The following KNL1 variants were observed in gnomAD, a reference collection of about 807,000 sequenced individuals.
The protein encoded by KNL1 is kinetochore scaffold 1, also known as outer kinetochore KNL1 complex subunit KNL1.
Under a neutral mutation model 201.3 loss-of-function variants are expected in KNL1, and 66 were observed. That is an observed-to-expected ratio of 0.33 (90% confidence interval 0.27 to 0.40). The LOEUF (loss-of-function observed/expected upper bound fraction) is 0.40, where lower values mean the gene tolerates loss of function less well. Among genes scored for constraint, KNL1 ranks in the 10% least tolerant of loss-of-function variants. KNL1 has a pLI of 1.00. For missense variants in KNL1, 2,815 were observed against 2,690.5 expected, an observed-to-expected ratio of 1.05 and a Z score of -1.02; for synonymous variants, 895 against 899.2, an observed-to-expected ratio of 1.00 and a Z score of 0.08.
Position 40,650,587 on chromosome 15 carries a change from A to T in KNL1, c.6212+4A>T. On this transcript the variant is annotated splice_donor_region_variant and intron_variant, in intron 19 of 25. Transcript: ENST00000399668. ...CTGAAGAAGAGGAGCTTCAAAGGTC[A>T]GCCTTCAATCCAAGTGTTAGAAAAT... 1 of 1,560,554 alleles carries T rather than the reference A, an allele frequency of 6.4e-7. No individual in the cohort carries two copies.
chr15:40,606,608 T>G (rs1003363965), intron 4 of KNL1, among the ~76,000 whole-genome samples, 156 bp downstream of exon 4: 1 of 152,208 alleles, frequency 6.6e-6, no homozygotes, highest in Non-Finnish European at 1.5e-5. Flanking sequence ...ATTTTTCTTC[T>G]TTTTTCTAGG....
At chr15:40,598,194 GA>G (rs955429296) in intron 1 of KNL1, among the ~76,000 whole-genome samples, 4 of 149,006 alleles carry the variant, frequency 2.7e-5, no homozygotes, top group Admixed American at 6.7e-5. Flanking sequence ...AAAAGAAAAA[GA>G]AAAAAAAAGA....
intron 13 of KNL1, among the ~76,000 whole-genome samples, chr15:40,631,945 G>C (rs1464925474): frequency 1.3e-5 from 2 of 151,194 alleles, no homozygotes; most frequent in African/African-American, 2.4e-5. Flanking sequence ...GGGGTTCAAG[G>C]CTGCAGTGAG....
At chr15:40,602,888 T>G (rs1247157296) in intron 1 of KNL1, 27 bp from the exon 2 acceptor site, 1 of 1,283,146 alleles carries the variant, frequency 7.8e-7, no homozygotes, top group East Asian at 2.3e-5. Flanking sequence ...TTTCCTCATG[T>G]TTTCTAATAT....
chr15:40,616,095 ATTTAAAATTTCACAGG>A, intron 8 of KNL1, among the ~76,000 whole-genome samples: 1 of 146,668 alleles, frequency 6.8e-6, no homozygotes, highest in Non-Finnish European at 1.5e-5. Flanking sequence ...ATTGTCTTCA[ATTTAAAATTTCACAGG>A]CTCACTATTA....
chr15:40,651,306 A>C (rs909671751), intron 19 of KNL1, among the ~76,000 whole-genome samples, 165 bp from the exon 20 acceptor site: 1 of 151,982 alleles, frequency 6.6e-6, no homozygotes, highest in Non-Finnish European at 1.5e-5. Context: ...AAAAAAAAAA[A>C]AAAAAACTAA....
chr15:40,630,177 A>T (rs574814207), intron 13 of KNL1, among the ~76,000 whole-genome samples: 2 of 152,336 alleles, frequency 1.3e-5, no homozygotes, highest in East Asian at 3.9e-4. Context: ...TTAAGATCAT[A>T]GAATATTTGA....
chr15:40,619,257 T>G (rs1892439373), intron 9 of KNL1, among the ~76,000 whole-genome samples: 1 of 152,004 alleles, frequency 6.6e-6, no homozygotes, highest in South Asian at 2.1e-4. Context: ...TATTTCTATT[T>G]CCTTAGTGAT....
rs1282536351 is a variant in KNL1 at position 40,646,865 on chromosome 15, A to C, written c.6007-122A>C. 3 of 468,104 alleles carry C rather than the reference A, an allele frequency of 6.4e-6. No individual in the cohort carries two copies. The Admixed American group carries it at 1.1e-4, about 18-fold the overall frequency. The allele number at this position is 468,104 out of a possible 1,614,324, so 29.0% of individuals were successfully genotyped here. A position where few individuals can be genotyped will look rare whatever the true frequency, so the allele number is the denominator to read the frequency against. ...GAATGAGACTCCGCCTCAAAAAAAA[A>C]AAAAAAAAAAAAAGATTTGCCTGTT... On this transcript the variant is annotated intron_variant, in intron 16 of 25. Transcript: ENST00000399668.
chr15:40,601,713 C>T (rs1313609936), intron 1 of KNL1, among the ~76,000 whole-genome samples: 1 of 149,456 alleles, frequency 6.7e-6, no homozygotes, highest in Non-Finnish European at 1.5e-5. Context: ...CCCAGCTACT[C>T]GGGAGGCTGA....
intron 7 of KNL1, among the ~76,000 whole-genome samples, chr15:40,611,952 G>A (rs1214109493): frequency 1.3e-5 from 2 of 152,098 alleles, no homozygotes; most frequent in Non-Finnish European, 2.9e-5. Flanking sequence ...GGCCGAGGCT[G>A]GTGGATCACC....
At chr15:40,646,008 A>C (rs1889634379) in intron 16 of KNL1, among the ~76,000 whole-genome samples, 1 of 152,236 alleles carries the variant, frequency 6.6e-6, no homozygotes, top group Admixed American at 6.5e-5. Flanking sequence ...ATTATCCATC[A>C]TACATACTGA....
chr15:40,640,798 C>G, intron 13 of KNL1, 114 bp from the exon 14 acceptor site: 2 of 687,152 alleles, frequency 2.9e-6, no homozygotes, highest in Non-Finnish European at 5.1e-6. Flanking sequence ...CTTGAGTATT[C>G]AAATTTTTCT....
At chr15:40,614,641 A>AT (rs1160927072) in intron 7 of KNL1, among the ~76,000 whole-genome samples, 2 of 152,056 alleles carry the variant, frequency 1.3e-5, no homozygotes, top group African/African-American at 4.8e-5. Flanking sequence ...TTTAGCTTTT[A>AT]TTTTTTTAAA....
At chr15:40,615,295 G>A (rs749488178) in intron 7 of KNL1, 46 bp from the exon 8 acceptor site, 1 of 548,212 alleles carries the variant, frequency 1.8e-6, no homozygotes, top group Non-Finnish European at 3.2e-6. Context: ...AAGATTCTTG[G>A]TAATTGTTTG....
chr15:40,603,169 C>A (rs1403119925), intron 2 of KNL1, among the ~76,000 whole-genome samples: 1 of 151,940 alleles, frequency 6.6e-6, no homozygotes, highest in African/African-American at 2.4e-5. Context: ...ATACATGTGC[C>A]ATGTTGGTTT....
At chr15:40,647,669 TAG>T (rs777596343) in intron 17 of KNL1, among the ~76,000 whole-genome samples, 1 of 152,194 alleles carries the variant, frequency 6.6e-6, no homozygotes, top group African/African-American at 2.4e-5. Context: ...CCCAACTTTT[TAG>T]AGTTACTCTC....
chr15:40,628,726 T>C, intron 12 of KNL1, 48 bp downstream of exon 12: 2 of 1,242,904 alleles, frequency 1.6e-6, no homozygotes, highest in Non-Finnish European at 2.3e-6. Flanking sequence ...GAAAAGAGGT[T>C]TAAACGTCTC....
Position 40,605,149 on chromosome 15 carries a change from A to G in KNL1, c.75A>G (p.Ser25=). 2 of 1,458,924 alleles carry G rather than the reference A, an allele frequency of 1.4e-6. No homozygotes were observed. The allele number at this position is 1,458,924 out of a possible 1,614,324, so 90.4% of individuals were successfully genotyped here. A position where few individuals can be genotyped will look rare whatever the true frequency, so the allele number is the denominator to read the frequency against. Residue 25 remains serine, a splice_region_variant and synonymous_variant, in exon 3 of 26, where the codon TCA becomes TCG. Transcript: ENST00000399668. ...GACCTGTTAGAAGACGGCATTCTTC[A>G]GTAAGAAAGACTTTCTTGAATTAAT... ...IERPVRRRHS[S]ILKPPRSPLQ... is the part of the protein sequence containing the mutation.
Sources: allele counts gnomAD v4.1 joint callset (sites outside exome capture counted in the v4.1 genomes callset), GRCh38; gene constraint gnomAD v4.1.1; transcripts MANE v1.5; gene names NCBI Gene and HGNC (gene_info 2026-07-23, HGNC 2026-07-21).